Variants in SUSD6 observed in about 807,000 individuals in gnomAD.
The protein encoded by SUSD6 is sushi domain-containing protein 6.
Under a neutral mutation model 28.4 loss-of-function variants are expected in SUSD6, and 16 were observed. That is an observed-to-expected ratio of 0.56 (90% CI 0.38 to 0.86). The LOEUF is 0.86. Ranked by LOEUF, SUSD6 falls within the 40% of genes least tolerant of loss-of-function variation. The pLI is 0.00. For missense variants in SUSD6, 341 were observed against 384.2 expected, an observed-to-expected ratio of 0.89 and a Z score of 0.94; for synonymous variants, 147 against 159.6, an observed-to-expected ratio of 0.92 and a Z score of 0.59.
At chr14:69,617,596 C>G (rs2139588819) in intron 1 of SUSD6, 1 of 152,328 alleles carries the variant, frequency 6.6e-6, no homozygotes, top group Non-Finnish European at 1.5e-5. Flanking sequence ...AAATTCAATG[C>G]ACATGTACTG....
intron 1 of SUSD6, 119 bp from the exon 2 acceptor site, chr14:69,658,394 G>A (rs1404367908): frequency 1.0e-5 from 6 of 593,068 alleles, no homozygotes; most frequent in African/African-American, 1.9e-5. Flanking sequence ...GCAGGGATTC[G>A]AATAGTTGCT....
At chr14:69,615,833 C>T (rs1884951864) in intron 1 of SUSD6, 1 of 152,186 alleles carries the variant, frequency 6.6e-6, no homozygotes, top group Non-Finnish European at 1.5e-5. Context: ...ACCCTTGAAA[C>T]ATCTGAAGGC....
intron 1 of SUSD6, among the ~76,000 whole-genome samples, chr14:69,649,946 T>A (rs1354904896): frequency 1.3e-5 from 2 of 152,240 alleles, no homozygotes; most frequent in African/African-American, 4.8e-5. Context: ...ATTCCACCTA[T>A]TTAATGAGGT....
intron 1 of SUSD6, among the ~76,000 whole-genome samples, chr14:69,616,834 C>G (rs1161019325): frequency 6.6e-6 from 1 of 151,734 alleles, no homozygotes; most frequent in Non-Finnish European, 1.5e-5. Context: ...TAAAATTCAC[C>G]CATTTAAAGT....
At chr14:69,700,876 A>G (rs554782790) in intron 2 of SUSD6, among the ~76,000 whole-genome samples, 1 of 152,344 alleles carries the variant, frequency 6.6e-6, no homozygotes, top group East Asian at 1.9e-4. Context: ...TATATTTCCC[A>G]TGAGTCTGTT....
chr14:69,651,813 AAG>A (rs1369723007), intron 1 of SUSD6, among the ~76,000 whole-genome samples: 1 of 152,190 alleles, frequency 6.6e-6, no homozygotes, highest in African/African-American at 2.4e-5. Flanking sequence ...GCAGGGAAGA[AAG>A]AGAGGTTAAG....
At chr14:69,629,345 C>T (rs1440695321) in intron 1 of SUSD6, among the ~76,000 whole-genome samples, 1 of 152,086 alleles carries the variant, frequency 6.6e-6, no homozygotes, top group Non-Finnish European at 1.5e-5. Flanking sequence ...GGCCGTTGGG[C>T]CCCCACAGGA....
chr14:69,659,705 G>A (rs779932045), intron 2 of SUSD6, among the ~76,000 whole-genome samples: 1 of 152,134 alleles, frequency 6.6e-6, no homozygotes, highest in Non-Finnish European at 1.5e-5. Flanking sequence ...ATTTAGTTGA[G>A]ACGGGGTTTC....
At position 69,656,615 on chromosome 14, in the gene SUSD6, G is replaced by T. The variant is rs558541498; in HGVS notation, c.-80-1898G>T. Reference sequence around the variant, plus strand: ...CTTATTAATGATTACAACAGCAGCAGCAGCCAGTGTTTACTGAGGACTTAC... The same window carrying T: ...CTTATTAATGATTACAACAGCAGCATCAGCCAGTGTTTACTGAGGACTTAC... On this transcript the variant is annotated intron_variant, in intron 1 of 5. Coordinates refer to ENST00000342745, the MANE Select transcript of SUSD6 (RefSeq NM_014734.4). Among the ~76,000 whole-genome samples the T allele has an allele frequency of 2.6e-5, 4 of 152,334 alleles. No homozygotes were observed. In the South Asian group the frequency reaches 8.3e-4, roughly 32 times the overall value.
At chr14:69,682,947 C>CTTTT (rs5809442) in intron 2 of SUSD6, among the ~76,000 whole-genome samples, 1 of 62,662 alleles carries the variant, frequency 1.6e-5, no homozygotes, top group Non-Finnish European at 3.4e-5. Context: ...TCCAAGAAGC[C>CTTTT]TTTTTTTTTT....
At position 69,708,991 on chromosome 14, in the gene SUSD6, C is replaced by G; in HGVS notation, c.773C>G (p.Ser258Cys). 1 of 1,614,208 alleles carries G rather than the reference C, an allele frequency of 6.2e-7. No homozygotes were observed. The highest frequency in any genetic ancestry group is 8.5e-7 in the Non-Finnish European group (1 of 1,180,056). ...ETVMVHQATT[S>C]SWVAGSGNRQ... The stretch of plus-strand genomic sequence containing the variant: ...GTGATGGTGCATCAGGCAACCACCT[C>G]TTCCTGGGTGGCCGGCTCAGGGAAC... The change falls in exon 5 of 6, where the codon TCT becomes TGT. Residue 258 changes from serine to cysteine, a missense_variant. Transcript: ENST00000342745.
intron 2 of SUSD6, among the ~76,000 whole-genome samples, chr14:69,678,703 T>C (rs1479108538): frequency 1.3e-5 from 2 of 151,674 alleles, no homozygotes; most frequent in African/African-American, 4.9e-5. Flanking sequence ...TTCGGGAGGG[T>C]GAGGTGAGAG....
At position 69,708,956 on chromosome 14, in the gene SUSD6, C is replaced by A; in HGVS notation, c.738C>A (p.Ala246=). Residue 246 remains alanine (A), a synonymous_variant, in exon 5 of 6, where the codon GCC becomes GCA. Transcript: ENST00000342745. ...SGLCEAWGSR[A]SETVMVHQAT... ...TATGTGAAGCCTGGGGCTCTCGGGC[C>A]TCAGAGACTGTGATGGTGCATCAGG... The A allele has an allele frequency of 6.2e-7, 1 of 1,614,168 alleles. No homozygotes were observed. Among genetic ancestry groups the A allele is most frequent in the South Asian group, 1.1e-5 (1 of 91,080 alleles).
intron 1 of SUSD6, among the ~76,000 whole-genome samples, chr14:69,651,823 A>G (rs976325538): frequency 1.3e-4 from 20 of 152,190 alleles, no homozygotes; most frequent in Admixed American, 1.0e-3. Flanking sequence ...AAGAGAGGTT[A>G]AGGAAGGGCC....
At chr14:69,687,370 C>A (rs989972204) in intron 2 of SUSD6, among the ~76,000 whole-genome samples, 1 of 152,214 alleles carries the variant, frequency 6.6e-6, no homozygotes, top group Non-Finnish European at 1.5e-5. Flanking sequence ...CTCGGCCTCC[C>A]AAAGTGCTGG....
At chr14:69,685,352 C>T (rs1886058171) in intron 2 of SUSD6, among the ~76,000 whole-genome samples, 2 of 152,252 alleles carry the variant, frequency 1.3e-5, no homozygotes, top group South Asian at 4.1e-4. Flanking sequence ...TATTATTCCA[C>T]TGCAAGGTCT....
intron 1 of SUSD6, among the ~76,000 whole-genome samples, chr14:69,629,357 G>C (rs931184891): frequency 1.3e-5 from 2 of 152,170 alleles, no homozygotes; most frequent in African/African-American, 4.8e-5. Context: ...CCCACAGGAA[G>C]CCTTTTAATC....
intron 2 of SUSD6, among the ~76,000 whole-genome samples, chr14:69,695,194 A>G (rs1239472511): frequency 3.9e-5 from 6 of 152,016 alleles, no homozygotes; most frequent in Non-Finnish European, 7.3e-5. Flanking sequence ...AGACTTGACT[A>G]TTTGGCGGGA....
At chr14:69,710,792 G>T (rs890635319) in intron 5 of SUSD6, among the ~76,000 whole-genome samples, 162 bp from the exon 6 acceptor site, 1 of 152,116 alleles carries the variant, frequency 6.6e-6, no homozygotes, top group African/African-American at 2.4e-5. Context: ...TCATAAAAAA[G>T]GAGGTAGGGA....
Sources: gnomAD v4.1 joint callset for allele counts (sites outside exome capture counted in the v4.1 genomes callset) on GRCh38, gnomAD v4.1.1 for gene constraint, MANE v1.5 for transcripts, NCBI Gene and HGNC (gene_info 2026-07-23, HGNC 2026-07-21) for gene names.